DSTN: variants seen among roughly 807,000 people sequenced by gnomAD.
The protein encoded by DSTN is destrin.
A neutral mutation model predicts 16.8 loss-of-function variants in DSTN; 10 were observed. The ratio of observed to expected loss-of-function variants is 0.60; its 90% confidence interval spans 0.37 to 1.01. DSTN has a LOEUF of 1.01. Ranked by LOEUF, DSTN falls within the 50% of genes least tolerant of loss-of-function variation. The probability of loss-of-function intolerance (pLI) is 0.01; values close to 1 mark genes in which losing one functional copy is unlikely to be tolerated. For missense variants in DSTN, 141 were observed against 196.7 expected (o/e 0.72, Z 1.69); for synonymous variants, 57 against 58.9 (o/e 0.97, Z 0.14).
Position 17,607,836 on chromosome 20 carries a change from G to C in DSTN, c.*690G>C, listed in dbSNP as rs912560663. ...GTGTGTCTTCAGGAGAATGTGCAGT[G>C]TCTTGTAACAACTAATTATAATGCA... On this transcript the variant is annotated 3_prime_UTR_variant, in exon 4 of 4. Transcript: ENST00000246069. 2 of 152,210 alleles carry C rather than the reference G, an allele frequency of 1.3e-5. No homozygotes were observed. Among genetic ancestry groups the C allele is most frequent in the Non-Finnish European group, 2.9e-5 (2 of 68,048 alleles). The allele number at this position is 152,210 out of a possible 1,614,324, so 9.4% of individuals were successfully genotyped here.
intron 1 of DSTN, among the ~76,000 whole-genome samples, chr20:17,578,743 T>C (rs1018772248): frequency 2.0e-5 from 3 of 152,094 alleles, no homozygotes; most frequent in African/African-American, 7.2e-5. Context: ...GGTGGGTCGC[T>C]TGAGGTCGGG....
intron 1 of DSTN, among the ~76,000 whole-genome samples, chr20:17,575,535 C>T (rs1600698324): frequency 6.6e-6 from 1 of 151,334 alleles, no homozygotes; most frequent in Non-Finnish European, 1.5e-5. Flanking sequence ...GTGAACACAA[C>T]TCACTGCATC....
intron 1 of DSTN, among the ~76,000 whole-genome samples, chr20:17,573,727 CATTAT>C (rs2035234640): frequency 6.6e-6 from 1 of 152,092 alleles, no homozygotes; most frequent in African/African-American, 2.4e-5. Context: ...AATGGTTTCT[CATTAT>C]TTTATTTTGC....
At chr20:17,602,971 G>C (rs771790304) in intron 2 of DSTN, among the ~76,000 whole-genome samples, 22 of 152,160 alleles carry the variant, frequency 1.4e-4, no homozygotes, top group Non-Finnish European at 2.4e-4. Context: ...AGTGAGCTGA[G>C]ATCACGCCAC....
chr20:17,581,328 A>C (rs932757635), intron 1 of DSTN, among the ~76,000 whole-genome samples: 2 of 152,132 alleles, frequency 1.3e-5, no homozygotes, highest in Non-Finnish European at 2.9e-5. Flanking sequence ...CAAAAAATAA[A>C]ACATAAATAA....
chr20:17,581,828 C>T (rs2035348375), intron 1 of DSTN, among the ~76,000 whole-genome samples: 1 of 151,842 alleles, frequency 6.6e-6, no homozygotes, highest in Non-Finnish European at 1.5e-5. Context: ...TTTAAAATAC[C>T]ATAATTTCAT....
At chr20:17,601,155 C>T (rs73260507) in intron 2 of DSTN, 110 bp downstream of exon 2, 50,817 of 1,308,030 alleles carry the variant, frequency 0.039, 1,448 homozygotes, top group African/African-American at 0.12. Context: ...CAGTTGTTGT[C>T]ATTTAATTTT....
intron 1 of DSTN, among the ~76,000 whole-genome samples, chr20:17,577,662 A>G (rs1324042031): frequency 6.6e-6 from 1 of 152,158 alleles, no homozygotes; most frequent in African/African-American, 2.4e-5. Context: ...AGCTATGTAT[A>G]TACTTTTAAC....
chr20:17,588,421 C>T (rs902817745), intron 1 of DSTN, among the ~76,000 whole-genome samples: 6 of 152,062 alleles, frequency 3.9e-5, no homozygotes, highest in African/African-American at 1.2e-4. Flanking sequence ...TTCTCAGGAC[C>T]GCCTAAGGCT....
chr20:17,601,158 T>C, intron 2 of DSTN, 113 bp downstream of exon 2: 1 of 1,291,720 alleles, frequency 7.7e-7, no homozygotes, highest in Non-Finnish European at 1.0e-6. Flanking sequence ...TTGTTGTCAT[T>C]TAATTTTTAT....
Position 17,601,855 on chromosome 20 carries a change from A to T in DSTN, c.311+810A>T, listed in dbSNP as rs192901131. Among the ~76,000 whole-genome samples the T allele has an allele frequency of 2.8e-3, 426 of 152,130 alleles. 4 individuals carry two copies. The highest frequency in any genetic ancestry group is 6.8e-3 in the Middle Eastern group (2 of 294). ...CTGGATCCCTCATTTATTGAATATT[A>T]TACTGCATTCCTTGATATGGCCAGG... On this transcript the variant is annotated intron_variant, in intron 2 of 3. Coordinates refer to ENST00000246069, the MANE Select transcript of DSTN (RefSeq NM_006870.4).
At chr20:17,574,451 AC>A (rs1180850421) in intron 1 of DSTN, among the ~76,000 whole-genome samples, 4 of 152,208 alleles carry the variant, frequency 2.6e-5, no homozygotes, top group African/African-American at 4.8e-5. Context: ...CTTTACACTT[AC>A]CCCTCTCTTT....
chr20:17,570,948 C>T (rs995467250), intron 1 of DSTN, among the ~76,000 whole-genome samples: 3 of 152,124 alleles, frequency 2.0e-5, no homozygotes, highest in African/African-American at 4.8e-5. Flanking sequence ...GACAGTTGGA[C>T]TCTGCCAGAA....
At chr20:17,589,062 C>T (rs889766530) in intron 1 of DSTN, among the ~76,000 whole-genome samples, 1 of 152,222 alleles carries the variant, frequency 6.6e-6, no homozygotes, top group African/African-American at 2.4e-5. Flanking sequence ...CTTCTCAGAC[C>T]CATTTCACTC....
intron 1 of DSTN, among the ~76,000 whole-genome samples, chr20:17,584,675 C>T (rs575532404): frequency 6.1e-4 from 92 of 149,946 alleles, no homozygotes; most frequent in Non-Finnish European, 1.1e-3. Context: ...AAAAGGCTTA[C>T]CAGAGAAAAC....
chr20:17,587,656 CTT>C (rs2122182767), intron 1 of DSTN, among the ~76,000 whole-genome samples: 1 of 147,764 alleles, frequency 6.8e-6, no homozygotes, highest in African/African-American at 2.5e-5. Context: ...CTTTTTTTCT[CTT>C]TGAGTGACTT....
At chr20:17,576,263 T>G (rs762002424) in intron 1 of DSTN, 2 of 152,426 alleles carry the variant, frequency 1.3e-5, no homozygotes, top group Non-Finnish European at 2.9e-5. Context: ...TGCTTTGTTA[T>G]GTTTTACGTA....
At chr20:17,578,397 T>A (rs2035302931) in intron 1 of DSTN, among the ~76,000 whole-genome samples, 1 of 152,254 alleles carries the variant, frequency 6.6e-6, no homozygotes, top group African/African-American at 2.4e-5. Flanking sequence ...TTTTTTAATG[T>A]AATGGAAATT....
chr20:17,597,563 G>A (rs930963013), intron 1 of DSTN, among the ~76,000 whole-genome samples: 2 of 152,126 alleles, frequency 1.3e-5, no homozygotes, highest in African/African-American at 4.8e-5. Flanking sequence ...TCCATCACCC[G>A]AATAACATAC....
Sources: allele counts gnomAD v4.1 joint callset (sites outside exome capture counted in the v4.1 genomes callset), GRCh38; gene constraint gnomAD v4.1.1; transcripts MANE v1.5; gene names NCBI Gene and HGNC (gene_info 2026-07-23, HGNC 2026-07-21).